The following NLGN1 variants were observed in gnomAD, a reference collection of about 807,000 sequenced individuals.
NLGN1 encodes neuroligin-1.
In NLGN1, 12 loss-of-function variants were observed where a neutral mutation model predicts 65.5. That is an observed-to-expected ratio of 0.18 (90% CI 0.12 to 0.30). The LOEUF is 0.30. Ranked by LOEUF, NLGN1 falls within the 10% of genes least tolerant of loss-of-function variation. The pLI, the probability that NLGN1 is intolerant of heterozygous loss-of-function variation, is 1.00. For missense variants in NLGN1, 750 were observed against 1,007.1 expected, an observed-to-expected ratio of 0.74 and a Z score of 3.46; for synonymous variants, 350 against 359.5, an observed-to-expected ratio of 0.97 and a Z score of 0.30.
intron 2 of NLGN1, among the ~76,000 whole-genome samples, chr3:173,585,669 A>G (rs1409111597): frequency 6.6e-6 from 1 of 152,236 alleles, no homozygotes; most frequent in African/African-American, 2.4e-5. Flanking sequence ...GGAGCAGCCC[A>G]GGAAGACGTT....
chr3:174,136,941 T>G (rs1375217115), intron 4 of NLGN1, among the ~76,000 whole-genome samples: 1 of 152,120 alleles, frequency 6.6e-6, no homozygotes, highest in South Asian at 2.1e-4. Flanking sequence ...GAAAGTGCAT[T>G]TAATACATCT....
chr3:173,485,533 A>ATTT (rs1728042164), intron 2 of NLGN1, among the ~76,000 whole-genome samples: 2 of 152,266 alleles, frequency 1.3e-5, no homozygotes, highest in African/African-American at 4.8e-5. Flanking sequence ...TGTAAGAAAA[A>ATTT]TTGCCATGTT....
intron 2 of NLGN1, among the ~76,000 whole-genome samples, chr3:173,469,488 C>T (rs1050286867): frequency 3.3e-5 from 5 of 152,052 alleles, no homozygotes; most frequent in Non-Finnish European, 7.4e-5. Context: ...TTTGTCATTT[C>T]AAAATGTTCC....
rs375131793 is a variant in NLGN1, at chr3:173,851,855, A to C, written c.646+44023A>C. On this transcript the variant is annotated intron_variant, in intron 4 of 6. Transcript: ENST00000457714. ...ACATATTCATGTTAAATGTTAAGAA[A>C]CTATAAATTCATTTCTTATATTCTA... 2.6e-5 allele frequency among the ~76,000 whole-genome samples: 4 copies of C among 152,178 alleles called. No homozygotes were observed. In the East Asian group the frequency reaches 7.7e-4, roughly 29 times the overall value.
At chr3:173,756,288 G>A (rs1004404707) in intron 3 of NLGN1, among the ~76,000 whole-genome samples, 2 of 151,714 alleles carry the variant, frequency 1.3e-5, no homozygotes, top group African/African-American at 4.8e-5. Flanking sequence ...AATTTTAATA[G>A]TAAACATCAA....
intron 4 of NLGN1, among the ~76,000 whole-genome samples, chr3:173,933,320 A>G (rs1251797402): frequency 6.6e-6 from 1 of 152,170 alleles, no homozygotes; most frequent in Non-Finnish European, 1.5e-5. Flanking sequence ...CCACCACTAG[A>G]TCTTCAAAAG....
At chr3:173,413,233 C>T (rs748165994) in intron 1 of NLGN1, among the ~76,000 whole-genome samples, 5 of 152,028 alleles carry the variant, frequency 3.3e-5, no homozygotes, top group Non-Finnish European at 7.4e-5. Flanking sequence ...ACAAATTTGC[C>T]TCTGAGACAA....
chr3:173,443,752 A>T (rs982946437), intron 2 of NLGN1, among the ~76,000 whole-genome samples: 1 of 152,210 alleles, frequency 6.6e-6, no homozygotes, highest in Non-Finnish European at 1.5e-5. Context: ...TAGTAGAAAG[A>T]CTATAGTGCT....
chr3:174,206,447 C>G (rs556075653), intron 4 of NLGN1, among the ~76,000 whole-genome samples: 25 of 152,202 alleles, frequency 1.6e-4, no homozygotes, highest in African/African-American at 5.8e-4. Context: ...TCATACTACA[C>G]CAGGGGGTTC....
intron 2 of NLGN1, among the ~76,000 whole-genome samples, chr3:173,561,519 A>G (rs1336351177): frequency 6.6e-6 from 1 of 152,204 alleles, no homozygotes; most frequent in African/African-American, 2.4e-5. Flanking sequence ...AGATCCCCTG[A>G]GAAACATAAG....
chr3:174,228,845 C>A (rs1740186764), intron 4 of NLGN1, among the ~76,000 whole-genome samples: 1 of 151,858 alleles, frequency 6.6e-6, no homozygotes, highest in Non-Finnish European at 1.5e-5. Context: ...AAATATTGAT[C>A]ATGTAAGTAG....
At chr3:173,814,024 G>A (rs758993723) in intron 4 of NLGN1, among the ~76,000 whole-genome samples, 12 of 152,214 alleles carry the variant, frequency 7.9e-5, no homozygotes, top group African/African-American at 2.2e-4. Flanking sequence ...GAACAAAAGC[G>A]GCGAGGCCGA....
intron 4 of NLGN1, among the ~76,000 whole-genome samples, chr3:173,866,101 G>A (rs1730108122): frequency 6.6e-6 from 1 of 152,136 alleles, no homozygotes; most frequent in Non-Finnish European, 1.5e-5. Flanking sequence ...CCTGACACCT[G>A]TTCTTTCATC....
intron 2 of NLGN1, among the ~76,000 whole-genome samples, chr3:173,448,028 C>G (rs371309750): frequency 6.6e-5 from 10 of 152,326 alleles, no homozygotes; most frequent in African/African-American, 9.6e-5. Flanking sequence ...TTTACTTCCT[C>G]TTGTCCTAAT....
At chr3:173,624,578 T>C (rs1409985057) in intron 3 of NLGN1, among the ~76,000 whole-genome samples, 2 of 152,118 alleles carry the variant, frequency 1.3e-5, no homozygotes, top group Non-Finnish European at 2.9e-5. Flanking sequence ...AGAATACAAA[T>C]TTAAATAAAT....
intron 2 of NLGN1, among the ~76,000 whole-genome samples, chr3:173,556,226 C>G (rs1175670821): frequency 6.6e-6 from 1 of 151,936 alleles, no homozygotes; most frequent in Non-Finnish European, 1.5e-5. Context: ...TGCTATTGAT[C>G]TTTACTTAAA....
chr3:174,268,009 T>G (rs1297057504), intron 4 of NLGN1, among the ~76,000 whole-genome samples: 1 of 151,988 alleles, frequency 6.6e-6, no homozygotes, highest in Non-Finnish European at 1.5e-5. Flanking sequence ...ATTGCAAAAT[T>G]TGTATAGTTT....
intron 2 of NLGN1, among the ~76,000 whole-genome samples, chr3:173,470,332 CCATCATAT>C (rs150117693): frequency 0.16 from 23,861 of 151,870 alleles, 1,932 homozygotes; most frequent in Middle Eastern, 0.24. Context: ...CTAGTGACTG[CCATCATAT>C]CATCATATTT....
intron 3 of NLGN1, among the ~76,000 whole-genome samples, chr3:173,741,556 G>A (rs777158362): frequency 6.6e-5 from 10 of 151,982 alleles, no homozygotes; most frequent in African/African-American, 1.7e-4. Context: ...GCAGTGGCGC[G>A]ATCTTGGCTC....
Sources: gnomAD v4.1 joint callset for allele counts (sites outside exome capture counted in the v4.1 genomes callset) on GRCh38, gnomAD v4.1.1 for gene constraint, MANE v1.5 for transcripts, NCBI Gene and HGNC (gene_info 2026-07-23, HGNC 2026-07-21) for gene names.